The following ZNF717 variants were observed in gnomAD, a reference collection of about 807,000 sequenced individuals.
The protein encoded by ZNF717 is krueppel-like factor X17.
A neutral mutation model predicts 13.8 loss-of-function variants in ZNF717; 9 were observed. The observed-to-expected ratio is 0.65, with a 90% CI of 0.39 to 1.14. The LOEUF (loss-of-function observed/expected upper bound fraction) is 1.14, where lower values mean the gene tolerates loss of function less well. ZNF717 is among the 50% of genes most tolerant of loss of function. ZNF717 has a pLI of 0.01. For synonymous variants in ZNF717, 327 were observed against 364.1 expected (o/e 0.90, Z 1.16); for missense variants, 1,040 against 1,080.7 (o/e 0.96, Z 0.53).
intron 2 of ZNF717, among the ~76,000 whole-genome samples, chr3:75,769,109 A>G (rs1389674322): frequency 6.6e-6 from 1 of 152,192 alleles, no homozygotes; most frequent in African/African-American, 2.4e-5. Flanking sequence ...GGGGAATCTA[A>G]TCACCTTCCC....
chr3:75,739,562 T>G (rs1315749999), intron 4 of ZNF717, among the ~76,000 whole-genome samples: 14 of 152,280 alleles, frequency 9.2e-5, no homozygotes, highest in Non-Finnish European at 1.8e-4. Context: ...TTCTTTGCAT[T>G]TTGAAGTTTT....
chr3:75,698,083 C>T (rs555923744), intron 6 of ZNF717, among the ~76,000 whole-genome samples: 153 of 150,650 alleles, frequency 1.0e-3, no homozygotes, highest in African/African-American at 3.7e-3. Flanking sequence ...GGAAAAATGT[C>T]TAAACAGCAA....
intron 2 of ZNF717, among the ~76,000 whole-genome samples, chr3:75,743,278 G>A (rs1245855299): frequency 6.6e-6 from 1 of 152,150 alleles, no homozygotes; most frequent in Non-Finnish European, 1.5e-5. Flanking sequence ...GTACTGTTTA[G>A]GAAATAATGA....
intron 2 of ZNF717, among the ~76,000 whole-genome samples, chr3:75,757,976 A>T (rs1190568748): frequency 6.6e-6 from 1 of 150,618 alleles, no homozygotes; most frequent in African/African-American, 2.4e-5. Context: ...AATTTATCTG[A>T]GCCTGGTGGG....
downstream of ZNF717, among the ~76,000 whole-genome samples, chr3:75,709,070 G>A (rs76542605): frequency 3.3e-5 from 5 of 149,384 alleles, no homozygotes; most frequent in South Asian, 2.1e-4. Flanking sequence ...GTGTGATCTC[G>A]GCTCACTGCA....
chr3:75,748,015 C>A (rs1941336978), intron 2 of ZNF717, among the ~76,000 whole-genome samples: 2 of 152,128 alleles, frequency 1.3e-5, no homozygotes, highest in South Asian at 4.1e-4. Flanking sequence ...GGGGACAGCA[C>A]CACTGATCCC....
Position 75,696,448 on chromosome 3 carries a change from C to A in ZNF717, n.1085+14739G>T, listed in dbSNP as rs1390296640. 2.0e-5 allele frequency among the ~76,000 whole-genome samples: 3 copies of A among 152,396 alleles called. No individual in the cohort carries two copies. In the East Asian group the frequency reaches 5.8e-4, roughly 30 times the overall value. ...AAAAAAGCAAACTACAGGCCCATATCTGAGAATATTGATGCAAAAATTTGC... is the reference window on the plus strand; with the variant it reads ...AAAAAAGCAAACTACAGGCCCATATATGAGAATATTGATGCAAAAATTTGC... On this transcript the variant is annotated intron_variant and non_coding_transcript_variant, in intron 6 of 6. Transcript: ENST00000648506.
At chr3:75,765,035 A>ATATATATATATATATATGTATGTGTG (rs1559662069) in intron 2 of ZNF717, among the ~76,000 whole-genome samples, 1 of 81,798 alleles carries the variant, frequency 1.2e-5, no homozygotes, top group African/African-American at 4.1e-5. Flanking sequence ...ATATATGTAT[A>ATATATATATATATATATGTATGTGTG]TGTGTGTGTG....
chr3:75,705,334 G>A (rs528201987), downstream of ZNF717, among the ~76,000 whole-genome samples: 1 of 152,308 alleles, frequency 6.6e-6, no homozygotes, highest in Admixed American at 6.5e-5. Context: ...TTATATACAG[G>A]CTTCTCTGAT....
At chr3:75,702,383 G>C (rs1483143153) in intron 6 of ZNF717, among the ~76,000 whole-genome samples, 1 of 152,310 alleles carries the variant, frequency 6.6e-6, no homozygotes, top group Non-Finnish European at 1.5e-5. Context: ...AGACAAATGT[G>C]ACACGTTCTC....
intron 4 of ZNF717, among the ~76,000 whole-genome samples, chr3:75,724,128 G>C (rs1410720131): frequency 6.6e-6 from 1 of 152,040 alleles, no homozygotes; most frequent in Non-Finnish European, 1.5e-5. Flanking sequence ...CGGTAGACAG[G>C]AGACCCACGT....
intron 2 of ZNF717, among the ~76,000 whole-genome samples, chr3:75,766,753 A>T (rs1261521837): frequency 6.6e-6 from 1 of 152,272 alleles, no homozygotes; most frequent in Non-Finnish European, 1.5e-5. Context: ...CTATTGAGAA[A>T]AGGTTCAAGC....
At chr3:75,758,318 T>G (rs190335053) in intron 2 of ZNF717, among the ~76,000 whole-genome samples, 3 of 152,026 alleles carry the variant, frequency 2.0e-5, no homozygotes, top group African/African-American at 7.2e-5. Flanking sequence ...AGTGGATGAG[T>G]TGCTTCCACA....
intron 4 of ZNF717, among the ~76,000 whole-genome samples, chr3:75,739,741 T>A (rs1940120131): frequency 6.6e-6 from 1 of 152,030 alleles, no homozygotes; most frequent in African/African-American, 2.4e-5. Flanking sequence ...TCTTTATTCT[T>A]CTTTGAAGAT....
chr3:75,725,719 C>T (rs1198559949), downstream of ZNF717, among the ~76,000 whole-genome samples: 11 of 152,264 alleles, frequency 7.2e-5, no homozygotes, highest in East Asian at 2.1e-3. Flanking sequence ...AGGGGAACTT[C>T]CCTCCATACA....
intron 5 of ZNF717, among the ~76,000 whole-genome samples, chr3:75,711,744 C>G (rs145114852): frequency 1.3e-5 from 2 of 152,068 alleles, no homozygotes; most frequent in Non-Finnish European, 2.9e-5. Context: ...AGAGTGAGAC[C>G]CTGTCTCAAA....
intron 2 of ZNF717, among the ~76,000 whole-genome samples, chr3:75,765,001 ATAT>A (rs1191106735): frequency 0.033 from 825 of 25,238 alleles, 16 homozygotes; most frequent in African/African-American, 0.1. Flanking sequence ...ATATATATAT[ATAT>A]ATATATATAT....
chr3:75,734,817 A>ATTTT (rs545474632), downstream of ZNF717, among the ~76,000 whole-genome samples: 9 of 57,560 alleles, frequency 1.6e-4, no homozygotes, highest in Non-Finnish European at 2.7e-4. Flanking sequence ...ATATATATAT[A>ATTTT]TTTTTTTTTT....
chr3:75,699,109 G>A (rs1937637393), intron 6 of ZNF717, among the ~76,000 whole-genome samples: 1 of 152,418 alleles, frequency 6.6e-6, no homozygotes, highest in African/African-American at 2.4e-5. Flanking sequence ...TCTTTTGGCT[G>A]ATTTCTTCCT....
Sources: gnomAD v4.1 joint callset for allele counts (sites outside exome capture counted in the v4.1 genomes callset) on GRCh38, gnomAD v4.1.1 for gene constraint, MANE v1.5 for transcripts, NCBI Gene and HGNC (gene_info 2026-07-23, HGNC 2026-07-21) for gene names.